CPNE8: variants seen among roughly 807,000 people sequenced by gnomAD.
CPNE8 encodes copine 8.
Under a neutral mutation model 81.5 loss-of-function variants are expected in CPNE8, and 45 were observed. The ratio of observed to expected loss-of-function variants is 0.55; its 90% confidence interval spans 0.44 to 0.71. The LOEUF is 0.71. Among genes scored for constraint, CPNE8 ranks in the 30% least tolerant of loss-of-function variants. The probability of loss-of-function intolerance (pLI) is 0.00; values close to 1 mark genes in which losing one functional copy is unlikely to be tolerated. For missense variants in CPNE8, 594 were observed against 672.1 expected, an observed-to-expected ratio of 0.88 and a Z score of 1.28; for synonymous variants, 252 against 226.3, an observed-to-expected ratio of 1.11 and a Z score of -1.02.
rs1938764750 is a variant in CPNE8, at chr12:38,654,066, A to C, written c.1511T>G (p.Val504Gly). The change falls in exon 20 of 20, where the codon GTG becomes GGG. Residue 504 changes from valine (V) to glycine (G), a missense_variant. Val to Gly is a moderately radical substitution (Grantham distance 109). Transcript: ENST00000331366. ...TCTGTCAATATAATCCCTGAATGGC[A>C]CAAACTAAAACAGAGACGAAAGAAA... ...KYAERDIVQFVPFRDYIDRSG... is the reference protein window; with the variant it reads ...KYAERDIVQFGPFRDYIDRSG... 6.3e-7 allele frequency: 1 copy of C among 1,586,566 alleles called. No individual in the cohort carries two copies. Among genetic ancestry groups the C allele is most frequent in the African/African-American group, 1.4e-5 (1 of 73,688 alleles).
At chr12:38,777,380 A>G (rs1273383150) in intron 6 of CPNE8, among the ~76,000 whole-genome samples, 1 of 152,114 alleles carries the variant, frequency 6.6e-6, no homozygotes, top group Admixed American at 6.5e-5. Context: ...GATAAGTGTT[A>G]TTATTAAAAC....
At chr12:38,901,890 T>C (rs1944468916) in intron 1 of CPNE8, among the ~76,000 whole-genome samples, 2 of 152,178 alleles carry the variant, frequency 1.3e-5, no homozygotes, top group African/African-American at 4.8e-5. Context: ...TTAGCCCCGT[T>C]ACCGTGTCTT....
At chr12:38,756,476 C>A (rs1332700001) in intron 10 of CPNE8, among the ~76,000 whole-genome samples, 1 of 151,962 alleles carries the variant, frequency 6.6e-6, no homozygotes, top group Admixed American at 6.6e-5. Flanking sequence ...GCCTCAGTCT[C>A]CCGAGTAGCG....
intron 8 of CPNE8, among the ~76,000 whole-genome samples, chr12:38,764,255 G>A (rs1428219145): frequency 6.6e-6 from 1 of 152,080 alleles, no homozygotes; most frequent in African/African-American, 2.4e-5. Context: ...AAGTGGATAG[G>A]GCAAGTTAGG....
chr12:38,688,300 A>G (rs1398317358), intron 15 of CPNE8, among the ~76,000 whole-genome samples: 1 of 152,202 alleles, frequency 6.6e-6, no homozygotes, highest in East Asian at 1.9e-4. Flanking sequence ...TGATTTATGA[A>G]TTAGTCCTAC....
At chr12:38,711,514 G>T (rs1043299910) in intron 13 of CPNE8, among the ~76,000 whole-genome samples, 1 of 151,222 alleles carries the variant, frequency 6.6e-6, no homozygotes, top group East Asian at 1.9e-4. Context: ...TGCTGCCCAG[G>T]CTGGAGTGTA....
intron 6 of CPNE8, among the ~76,000 whole-genome samples, chr12:38,818,136 A>AT (rs908543996): frequency 5.9e-4 from 88 of 150,392 alleles, no homozygotes; most frequent in African/African-American, 1.4e-3. Flanking sequence ...ATAGTAACTG[A>AT]TTTTTTTTTT....
chr12:38,762,990 C>T (rs563521434), intron 8 of CPNE8, among the ~76,000 whole-genome samples: 2 of 152,296 alleles, frequency 1.3e-5, no homozygotes, highest in South Asian at 4.1e-4. Flanking sequence ...TTCCGAGTAG[C>T]TGGGATTACA....
intron 3 of CPNE8, among the ~76,000 whole-genome samples, chr12:38,870,409 T>C (rs1943974283): frequency 6.6e-6 from 1 of 152,180 alleles, no homozygotes; most frequent in Admixed American, 6.5e-5. Context: ...CCATCAGTGA[T>C]AGACTGGATA....
At chr12:38,687,761 G>T (rs1315811676) in intron 15 of CPNE8, among the ~76,000 whole-genome samples, 3 of 152,066 alleles carry the variant, frequency 2.0e-5, no homozygotes, top group Non-Finnish European at 4.4e-5. Flanking sequence ...TTTATCATTC[G>T]TGACAGAGGG....
intron 16 of CPNE8, among the ~76,000 whole-genome samples, chr12:38,678,597 A>C (rs1262792223): frequency 6.6e-6 from 1 of 151,966 alleles, no homozygotes; most frequent in Non-Finnish European, 1.5e-5. Flanking sequence ...CATTTGAACA[A>C]GTTGGTGACA....
chr12:38,667,836 T>C (rs1939092131), intron 19 of CPNE8, among the ~76,000 whole-genome samples: 1 of 152,118 alleles, frequency 6.6e-6, no homozygotes, highest in Non-Finnish European at 1.5e-5. Flanking sequence ...TCGCTCTTGT[T>C]GTCCAGGCTG....
intron 1 of CPNE8, among the ~76,000 whole-genome samples, chr12:38,877,913 G>A (rs1944091025): frequency 6.6e-6 from 1 of 152,140 alleles, no homozygotes; most frequent in Non-Finnish European, 1.5e-5. Flanking sequence ...TAAGGAGACT[G>A]GCACAAGATG....
At chr12:38,672,468 T>G (rs1939196849) in intron 18 of CPNE8, among the ~76,000 whole-genome samples, 1 of 152,124 alleles carries the variant, frequency 6.6e-6, no homozygotes, top group Non-Finnish European at 1.5e-5. Context: ...GCAGACCATC[T>G]GGTCCTCAAG....
At chr12:38,666,144 C>T (rs893395432) in intron 19 of CPNE8, among the ~76,000 whole-genome samples, 8 of 152,158 alleles carry the variant, frequency 5.3e-5, no homozygotes, top group African/African-American at 1.9e-4. Context: ...CCAGGATCAG[C>T]TCTGAGTATG....
chr12:38,762,095 T>C lies in CPNE8; in HGVS notation c.680+17A>G, dbSNP rs771122317. 4 of 1,238,136 alleles carry C rather than the reference T, an allele frequency of 3.2e-6. No individual in the cohort carries two copies. Among genetic ancestry groups the C allele is most frequent in the Non-Finnish European group, 4.4e-6 (4 of 915,810 alleles). 76.7% of individuals were successfully genotyped at this position (1,238,136 alleles called of 1,614,324 possible). On this transcript the variant is annotated intron_variant, in intron 9 of 19. Coordinates refer to ENST00000331366, the MANE Select transcript of CPNE8 (RefSeq NM_153634.3). Reference sequence around the variant, plus strand: ...TAAAAGTTATTTGAAGATTTTTGAATAAACTATCCTTCTTACCTGTCATAG... The same window carrying C: ...TAAAAGTTATTTGAAGATTTTTGAACAAACTATCCTTCTTACCTGTCATAG...
intron 19 of CPNE8, among the ~76,000 whole-genome samples, chr12:38,659,415 C>A (rs1431791388): frequency 6.6e-6 from 1 of 152,112 alleles, no homozygotes; most frequent in African/African-American, 2.4e-5. Flanking sequence ...CCTTAGAGAC[C>A]TACGAAGAGA....
rs1279301141 is a variant in CPNE8, at chr12:38,775,749, TCC to T, written c.471+487_471+488del. Among the ~76,000 whole-genome samples, 6 of 152,156 alleles carry T rather than the reference TCC, an allele frequency of 3.9e-5. No individual in the cohort carries two copies. The East Asian group carries it at 7.7e-4, about 20-fold the overall frequency. On this transcript the variant is annotated intron_variant, in intron 7 of 19. Coordinates refer to ENST00000331366, the MANE Select transcript of CPNE8 (RefSeq NM_153634.3). ...TACTGCTAGCTGTAGTGGCAGCTAA[TCC>T]TTTCTTCAAATGTGGACTTCCCAAG... is the stretch of plus-strand genomic sequence containing the variant.
chr12:38,716,215 C>T (rs1940388075), intron 13 of CPNE8, among the ~76,000 whole-genome samples: 1 of 152,018 alleles, frequency 6.6e-6, no homozygotes, highest in Non-Finnish European at 1.5e-5. Context: ...GGGAAATGAC[C>T]ATACTGCCCA....
Sources: gnomAD v4.1 joint callset for allele counts (sites outside exome capture counted in the v4.1 genomes callset) on GRCh38, gnomAD v4.1.1 for gene constraint, MANE v1.5 for transcripts, NCBI Gene and HGNC (gene_info 2026-07-23, HGNC 2026-07-21) for gene names.